SSR1: variants seen among roughly 807,000 people sequenced by gnomAD.
SSR1 encodes translocon-associated protein subunit alpha.
A neutral mutation model predicts 36.1 loss-of-function variants in SSR1; 13 were observed. The observed-to-expected ratio is 0.36, with a 90% CI of 0.23 to 0.57. SSR1 has a LOEUF of 0.57. Ranked by LOEUF, SSR1 falls within the 20% of genes least tolerant of loss-of-function variation. SSR1 has a pLI of 0.81. For synonymous variants in SSR1, 113 were observed against 118.9 expected (o/e 0.95, Z 0.32); for missense variants, 291 against 338.5 (o/e 0.86, Z 1.10).
At chr6:7,308,122 T>A (rs1758110641) in intron 2 of SSR1, among the ~76,000 whole-genome samples, 1 of 152,202 alleles carries the variant, frequency 6.6e-6, no homozygotes, top group Non-Finnish European at 1.5e-5. Flanking sequence ...ACGTGGAGTC[T>A]TAACATAAAC....
chr6:7,302,457 ATTTTC>A (rs1180480597), intron 3 of SSR1, among the ~76,000 whole-genome samples: 2 of 152,188 alleles, frequency 1.3e-5, no homozygotes, highest in African/African-American at 4.8e-5. Context: ...AGCCATAATT[ATTTTC>A]TTTTAATAAA....
intron 5 of SSR1, 70 bp from the exon 6 acceptor site, chr6:7,298,071 A>C: frequency 1.8e-6 from 2 of 1,119,192 alleles, no homozygotes; most frequent in South Asian, 2.8e-5. Context: ...TACAACTATA[A>C]TTATAACACA....
In SSR1 at chr6:7,313,166, G is replaced by T. The variant is rs1197502400; in HGVS notation, c.-46C>A. On this transcript the variant is annotated 5_prime_UTR_variant, in exon 1 of 8. Coordinates refer to ENST00000244763, the MANE Select transcript of SSR1 (RefSeq NM_003144.5). Reference sequence around the variant, plus strand: ...CAGTTTCCGTCGGCTAAGGCTCTCGGCGGCTCCGGCGGTAATGGCGTTACT... The same window carrying T: ...CAGTTTCCGTCGGCTAAGGCTCTCGTCGGCTCCGGCGGTAATGGCGTTACT... 6.5e-7 allele frequency: 1 copy of T among 1,537,356 alleles called. No individual in the cohort carries two copies. The highest frequency in any genetic ancestry group is 1.2e-5 in the South Asian group (1 of 84,418).
chr6:7,306,159 G>A (rs934610931), intron 2 of SSR1, among the ~76,000 whole-genome samples: 4 of 151,982 alleles, frequency 2.6e-5, no homozygotes, highest in African/African-American at 7.2e-5. Context: ...ACGGAGTCTC[G>A]CTCTGTTGCC....
At chr6:7,291,539 TTTCAGGGGCTC>T (rs1757681199) in intron 7 of SSR1, among the ~76,000 whole-genome samples, 2 of 152,146 alleles carry the variant, frequency 1.3e-5, no homozygotes, top group East Asian at 3.9e-4. Flanking sequence ...TAATAGATGG[TTTCAGGGGCTC>T]TTCAACTTAC....
intron 2 of SSR1, among the ~76,000 whole-genome samples, chr6:7,309,707 T>C (rs1380862627): frequency 1.3e-5 from 2 of 152,206 alleles, no homozygotes; most frequent in African/African-American, 4.8e-5. Context: ...TTCTCCTTGC[T>C]GTCACCTTGT....
intron 6 of SSR1, among the ~76,000 whole-genome samples, chr6:7,297,580 CG>C (rs1202674806): frequency 6.6e-6 from 1 of 151,866 alleles, no homozygotes; most frequent in African/African-American, 2.4e-5. Flanking sequence ...TTAAAATTAG[CG>C]GGGTGTGGTG....
At position 7,287,975 on chromosome 6, in the gene SSR1, T is replaced by C. The variant is rs1757592217; in HGVS notation, c.*1889A>G. 6.6e-6 allele frequency: 1 copy of C among 152,298 alleles called. No homozygotes were observed. The highest frequency in any genetic ancestry group is 2.1e-4 in the South Asian group (1 of 4,836). The allele number at this position is 152,298 out of a possible 1,614,324, so 9.4% of individuals were successfully genotyped here. On this transcript the variant is annotated 3_prime_UTR_variant, in exon 8 of 8. Coordinates refer to ENST00000244763, the MANE Select transcript of SSR1 (RefSeq NM_003144.5). ...AATTCTACATTTCCGAGGCACTAAT[T>C]TGAACTTCAGAAGTGGGAGGGCTGA...
chr6:7,289,802 C>T lies in SSR1; in HGVS notation c.*62G>A. 1 of 1,479,150 alleles carries T rather than the reference C, an allele frequency of 6.8e-7. No homozygotes were observed. The highest frequency in any genetic ancestry group is 9.1e-7 in the Non-Finnish European group (1 of 1,095,140). The allele number at this position is 1,479,150 out of a possible 1,614,324, so 91.6% of individuals were successfully genotyped here. On this transcript the variant is annotated 3_prime_UTR_variant, in exon 8 of 8. Transcript: ENST00000244763. ...GACATGGCTTCTCTGCACTAATTCC[C>T]ATCAGGCCGAAAAATATTAGGGCAG...
Position 7,282,877 on chromosome 6 carries a change from T to C in SSR1, c.*6987A>G, listed in dbSNP as rs1375130299. 2.0e-5 allele frequency: 3 copies of C among 152,226 alleles called. No individual in the cohort carries two copies. The highest frequency in any genetic ancestry group is 2.9e-5 in the Non-Finnish European group (2 of 68,038). 9.4% of individuals were successfully genotyped at this position (152,226 alleles called of 1,614,324 possible). A position where few individuals can be genotyped will look rare whatever the true frequency, so the allele number is the denominator to read the frequency against. The stretch of plus-strand genomic sequence containing the variant: ...ATTATGAACTGGATGACATATCAAA[T>C]GCAAGGCCTTAAAATGCATTCACTC... On this transcript the variant is annotated 3_prime_UTR_variant, in exon 8 of 8. Transcript: ENST00000244763.
chr6:7,305,384 G>A (rs1385612859), intron 2 of SSR1, among the ~76,000 whole-genome samples: 1 of 152,170 alleles, frequency 6.6e-6, no homozygotes, highest in Non-Finnish European at 1.5e-5. Flanking sequence ...TTAGGTTGCT[G>A]GTGACCTTAG....
At chr6:7,291,073 C>T (rs1757669999) in intron 7 of SSR1, among the ~76,000 whole-genome samples, 1 of 151,822 alleles carries the variant, frequency 6.6e-6, no homozygotes, top group African/African-American at 2.4e-5. Context: ...TTAAAGACTA[C>T]ACATTTTTCA....
In SSR1 at chr6:7,312,908, G is replaced by A. The variant is rs1758239316; in HGVS notation, c.79+134C>T. On this transcript the variant is annotated intron_variant, in intron 1 of 7. Transcript: ENST00000244763. ...CCTGCTGCTACGAGCCTAGGCTTGG[G>A]GAGAGGGCGGAGAGAGGCCAGCGGG... 4 of 862,460 alleles carry A rather than the reference G, an allele frequency of 4.6e-6. No individual in the cohort carries two copies. In the South Asian group the frequency reaches 6.1e-5, roughly 13 times the overall value. 53.4% of individuals were successfully genotyped at this position (862,460 alleles called of 1,614,324 possible).
rs931968677 is a variant in SSR1, at chr6:7,283,087, GTACT to G, written c.*6773_*6776del. ...TTAGTAGCTTTTACTTATTATTTAT[GTACT>G]TATTTTTTGAGACAGTCTCACTCTG... On this transcript the variant is annotated 3_prime_UTR_variant, in exon 8 of 8. Coordinates refer to ENST00000244763, the MANE Select transcript of SSR1 (RefSeq NM_003144.5). 11 of 152,002 alleles carry G rather than the reference GTACT, an allele frequency of 7.2e-5. No individual in the cohort carries two copies. The highest frequency in any genetic ancestry group is 2.4e-4 in the African/African-American group (10 of 41,386). 9.4% of individuals were successfully genotyped at this position (152,002 alleles called of 1,614,324 possible).
chr6:7,310,111 A>G, intron 1 of SSR1, 82 bp from the exon 2 acceptor site: 1 of 1,046,380 alleles, frequency 9.6e-7, no homozygotes, highest in Admixed American at 2.1e-5. Flanking sequence ...ATAGGCAAAA[A>G]AAACTTCCCT....
intron 7 of SSR1, among the ~76,000 whole-genome samples, chr6:7,292,522 CCA>C (rs1290300591): frequency 6.6e-6 from 1 of 151,810 alleles, no homozygotes; most frequent in Non-Finnish European, 1.5e-5. Context: ...TTGCAGTCCT[CCA>C]CAAAGTGATC....
chr6:7,289,400 T>G lies in SSR1; in HGVS notation c.*464A>C, dbSNP rs1757628590. The G allele has an allele frequency of 6.4e-6, 1 of 157,270 alleles. No individual in the cohort carries two copies. Among genetic ancestry groups the G allele is most frequent in the South Asian group, 1.9e-4 (1 of 5,156 alleles). The allele number at this position is 157,270 out of a possible 1,614,324, so 9.7% of individuals were successfully genotyped here. ...TTGTAATACAGTAACAACAACAAAA[T>G]GCTGATTTGTGCCATCAATTGAAAT... On this transcript the variant is annotated 3_prime_UTR_variant, in exon 8 of 8. Transcript: ENST00000244763.
intron 2 of SSR1, among the ~76,000 whole-genome samples, chr6:7,304,652 A>G (rs1204410719): frequency 6.6e-6 from 1 of 152,256 alleles, no homozygotes; most frequent in African/African-American, 2.4e-5. Flanking sequence ...ACTGTATCTC[A>G]ACAAATTTTT....
At chr6:7,309,535 C>T (rs1473047219) in intron 2 of SSR1, among the ~76,000 whole-genome samples, 1 of 152,236 alleles carries the variant, frequency 6.6e-6, no homozygotes, top group Non-Finnish European at 1.5e-5. Context: ...AACCAAATCT[C>T]ATCTTGAAGT....
Sources: allele counts gnomAD v4.1 joint callset (sites outside exome capture counted in the v4.1 genomes callset), GRCh38; gene constraint gnomAD v4.1.1; transcripts MANE v1.5; gene names NCBI Gene and HGNC (gene_info 2026-07-23, HGNC 2026-07-21).